FBXO11: variants seen among roughly 807,000 people sequenced by gnomAD.
The protein encoded by FBXO11 is F-box only protein 11.
Under a neutral mutation model 117.0 loss-of-function variants are expected in FBXO11, and 13 were observed. The ratio of observed to expected loss-of-function variants is 0.11; its 90% CI spans 0.07 to 0.18. The LOEUF (loss-of-function observed/expected upper bound fraction) is 0.18. Ranked by LOEUF, FBXO11 falls within the 10% of genes least tolerant of loss-of-function variation. The pLI, the probability that FBXO11 is intolerant of heterozygous loss-of-function variation, is 1.00. For missense variants in FBXO11, 767 were observed against 1,164.4 expected (o/e 0.66, Z 4.97); for synonymous variants, 490 against 380.5 (o/e 1.29, Z -3.35).
intron 1 of FBXO11, among the ~76,000 whole-genome samples, chr2:47,879,497 G>C (rs1341365831): frequency 6.6e-6 from 1 of 152,140 alleles, no homozygotes; most frequent in African/African-American, 2.4e-5. Context: ...CTCTTACTGT[G>C]AATGAGGTAC....
chr2:47,816,708 G>C (rs1415389641), intron 16 of FBXO11, among the ~76,000 whole-genome samples: 2 of 152,126 alleles, frequency 1.3e-5, no homozygotes, highest in Non-Finnish European at 2.9e-5. Context: ...TTGTGCATCT[G>C]CATCAGAATT....
At chr2:47,859,675 G>T (rs1479615670) in intron 1 of FBXO11, among the ~76,000 whole-genome samples, 1 of 152,120 alleles carries the variant, frequency 6.6e-6, no homozygotes, top group African/African-American at 2.4e-5. Context: ...GGTAGCTGGG[G>T]GGTTTACACC....
intron 1 of FBXO11, among the ~76,000 whole-genome samples, chr2:47,859,612 T>A (rs1674594662): frequency 6.6e-6 from 1 of 152,248 alleles, no homozygotes; most frequent in Non-Finnish European, 1.5e-5. Flanking sequence ...GAAGCTTTAC[T>A]CTTGTCTTTC....
chr2:47,812,749 CT>C (rs1221654445), intron 18 of FBXO11: 2 of 196,654 alleles, frequency 1.0e-5, no homozygotes, highest in East Asian at 3.0e-4. Flanking sequence ...CACTATGGAA[CT>C]TTTGCCTCAA....
intron 1 of FBXO11, among the ~76,000 whole-genome samples, chr2:47,859,613 C>T (rs147601158): frequency 6.6e-6 from 1 of 152,330 alleles, no homozygotes; most frequent in African/African-American, 2.4e-5. Flanking sequence ...AAGCTTTACT[C>T]TTGTCTTTCT....
intron 11 of FBXO11, among the ~76,000 whole-genome samples, chr2:47,824,782 T>G (rs1480241547): frequency 1.3e-5 from 2 of 152,226 alleles, no homozygotes; most frequent in Admixed American, 6.5e-5. Flanking sequence ...TTAAATTTCC[T>G]ATATAATGGA....
At chr2:47,810,540 C>T in intron 18 of FBXO11, 114 bp from the exon 19 acceptor site, 1 of 595,270 alleles carries the variant, frequency 1.7e-6, no homozygotes, top group Non-Finnish European at 2.8e-6. Flanking sequence ...GTAAAATTCA[C>T]AGGACTATTT....
chr2:47,900,639 C>T (rs201592212), intron 1 of FBXO11, among the ~76,000 whole-genome samples: 5 of 82,088 alleles, frequency 6.1e-5, no homozygotes, highest in African/African-American at 1.4e-4. Flanking sequence ...CACACACGTA[C>T]GTATATACAC....
At chr2:47,841,637 AATTATT>A (rs959098339) in intron 1 of FBXO11, among the ~76,000 whole-genome samples, 39 of 151,872 alleles carry the variant, frequency 2.6e-4, no homozygotes, top group African/African-American at 7.7e-4. Flanking sequence ...TTGGTATTCA[AATTATT>A]ATTATTATTA....
At chr2:47,884,080 C>T (rs1250793978) in intron 1 of FBXO11, among the ~76,000 whole-genome samples, 1 of 152,000 alleles carries the variant, frequency 6.6e-6, no homozygotes. Context: ...GTTAGCCGGG[C>T]CTGTGATGCA....
In FBXO11 at chr2:47,880,723, CTTTA is replaced by C. The variant is rs1339829681; in HGVS notation, c.232+24762_232+24765del. On this transcript the variant is annotated intron_variant, in intron 1 of 22. Transcript: ENST00000403359. ...TATCCTTTAAGAAATAAGTGCCACT[CTTTA>C]TTGTTTTTTAGTATGAACTCCACCT... is the stretch of plus-strand genomic sequence containing the variant. Among the ~76,000 whole-genome samples the C allele has an allele frequency of 2.6e-5, 4 of 152,274 alleles. No homozygotes were observed. In the East Asian group the frequency reaches 7.7e-4, roughly 29 times the overall value.
At chr2:47,819,496 G>C (rs937675786) in intron 14 of FBXO11, among the ~76,000 whole-genome samples, 1 of 152,150 alleles carries the variant, frequency 6.6e-6, no homozygotes, top group African/African-American at 2.4e-5. Flanking sequence ...TTACAGGTGT[G>C]AGCCACCGCG....
intron 1 of FBXO11, among the ~76,000 whole-genome samples, chr2:47,863,635 C>G (rs1201252301): frequency 6.6e-6 from 1 of 152,090 alleles, no homozygotes; most frequent in Admixed American, 6.5e-5. Flanking sequence ...TTGGTTAAAT[C>G]TGAAGAAATA....
At chr2:47,852,256 C>T (rs1291143705) in intron 1 of FBXO11, among the ~76,000 whole-genome samples, 2 of 152,136 alleles carry the variant, frequency 1.3e-5, no homozygotes, top group Non-Finnish European at 2.9e-5. Context: ...TCCCAAAGTG[C>T]TGGGATTACA....
rs544293333 is a variant in FBXO11, at chr2:47,844,258, C to T, written c.233-4489G>A. 2.2e-4 allele frequency among the ~76,000 whole-genome samples: 33 copies of T among 152,274 alleles called. 1 individual carries two copies. The highest frequency in any genetic ancestry group is 7.7e-4 in the African/African-American group (32 of 41,552). On this transcript the variant is annotated intron_variant, in intron 1 of 22. Transcript: ENST00000403359. ...CCTTCTTTTATCCCTTCAATCATTT[C>T]ACTCACATTTTATATTCTCTCTTAG... is the stretch of plus-strand genomic sequence containing the variant.
rs1671031288 is a variant in FBXO11 at position 47,816,725 on chromosome 2, T to C, written c.2006+2054A>G. On this transcript the variant is annotated intron_variant, in intron 16 of 22. Coordinates refer to ENST00000403359, the MANE Select transcript of FBXO11 (RefSeq NM_001190274.2). Reference sequence around the variant, plus strand: ...GTGCATCTGCATCAGAATTCTTGGGTTACTGGGTGCATTGTCAATGAGCAG... The same window carrying C: ...GTGCATCTGCATCAGAATTCTTGGGCTACTGGGTGCATTGTCAATGAGCAG... Among the ~76,000 whole-genome samples, 3 of 152,172 alleles carry C rather than the reference T, an allele frequency of 2.0e-5. No individual in the cohort carries two copies. In the South Asian group the frequency reaches 6.2e-4, roughly 32 times the overall value.
intron 18 of FBXO11, 59 bp downstream of exon 18, chr2:47,813,175 A>T (rs375801385): frequency 2.0e-4 from 301 of 1,498,028 alleles, no homozygotes; most frequent in Non-Finnish European, 2.7e-4. Context: ...TGATCATTAA[A>T]GATATGGAAG....
intron 1 of FBXO11, among the ~76,000 whole-genome samples, chr2:47,888,283 G>C (rs1354620261): frequency 6.6e-6 from 1 of 152,052 alleles, no homozygotes; most frequent in African/African-American, 2.4e-5. Flanking sequence ...TTACTGACTG[G>C]GAATCTGGAG....
intron 1 of FBXO11, among the ~76,000 whole-genome samples, chr2:47,876,509 A>G (rs567276263): frequency 6.6e-6 from 1 of 152,336 alleles, no homozygotes; most frequent in African/African-American, 2.4e-5. Context: ...GACAGATAAT[A>G]GTTTAAATGA....
Sources: gnomAD v4.1 joint callset for allele counts (sites outside exome capture counted in the v4.1 genomes callset) on GRCh38, gnomAD v4.1.1 for gene constraint, MANE v1.5 for transcripts, NCBI Gene and HGNC (gene_info 2026-07-23, HGNC 2026-07-21) for gene names.